The following JARID2 variants were observed in gnomAD, a reference collection of about 807,000 sequenced individuals.
The protein encoded by JARID2 is jumonji and AT-rich interaction domain containing 2.
In JARID2, 21 loss-of-function variants were observed where a neutral mutation model predicts 125.6. The ratio of observed to expected loss-of-function variants is 0.17; its 90% confidence interval spans 0.12 to 0.24. The LOEUF (loss-of-function observed/expected upper bound fraction) is 0.24. JARID2 is among the 10% of genes least tolerant of loss of function. JARID2 has a pLI of 1.00. For synonymous variants in JARID2, 736 were observed against 661.6 expected, an observed-to-expected ratio of 1.11 and a Z score of -1.73; for missense variants, 1,303 against 1,639.6, an observed-to-expected ratio of 0.79 and a Z score of 3.55.
At position 15,496,333 on chromosome 6, in the gene JARID2, G is replaced by A. The variant is rs961851776; in HGVS notation, c.1108G>A (p.Ala370Thr). 9.9e-6 allele frequency: 16 copies of A among 1,614,048 alleles called. No individual in the cohort carries two copies. Among genetic ancestry groups the A allele is most frequent in the African/African-American group, 5.3e-5 (4 of 74,922 alleles). Residue 370 changes from alanine to threonine, a missense_variant, in exon 7 of 18, where the codon GCT (alanine) becomes ACT (threonine). Transcript: ENST00000341776. The stretch of plus-strand genomic sequence containing the variant: ...ACCCAATCACCACAAGCCCAGTTCC[G>A]CTGTCAACCACACAATCTCAGGGAA... ...TKPNHHKPSSAVNHTISGKTE... is the reference protein window; with the variant it reads ...TKPNHHKPSSTVNHTISGKTE...
At chr6:15,360,144 ATATTT>A (rs1215987123) in intron 1 of JARID2, among the ~76,000 whole-genome samples, 4 of 151,802 alleles carry the variant, frequency 2.6e-5, no homozygotes, top group African/African-American at 7.3e-5. Flanking sequence ...GTCATTCTTT[ATATTT>A]TATTTATTTC....
chr6:15,471,475 T>C (rs1561886317), intron 5 of JARID2, among the ~76,000 whole-genome samples: 2 of 152,208 alleles, frequency 1.3e-5, no homozygotes, highest in Non-Finnish European at 2.9e-5. Flanking sequence ...GATAGAAATC[T>C]GTTTCATCAG....
rs754960468 is a variant in JARID2, at chr6:15,512,222, G to C, written c.2967G>C (p.Val989=). 5.6e-6 allele frequency: 9 copies of C among 1,614,094 alleles called. No homozygotes were observed. In the South Asian group the frequency reaches 8.8e-5, roughly 16 times the overall value. The change falls in exon 14 of 18, where the codon GTG becomes GTC. Residue 989 remains valine, a synonymous_variant. Coordinates refer to ENST00000341776, the MANE Select transcript of JARID2 (RefSeq NM_004973.4). ...TGTCTCCCCAGATCTCCCCGGAGGTGCTGTGCAAAGAGGGGATCAAGGTGC... is the reference window on the plus strand; with the variant it reads ...TGTCTCCCCAGATCTCCCCGGAGGTCCTGTGCAAAGAGGGGATCAAGGTGC... ...LESNVMISPE[V]LCKEGIKVHR... is the part of the protein sequence containing the mutation.
chr6:15,473,608 A>G (rs941612941), intron 5 of JARID2, among the ~76,000 whole-genome samples: 1 of 145,872 alleles, frequency 6.9e-6, no homozygotes, highest in Admixed American at 7.3e-5. Flanking sequence ...TTGGGGCTCC[A>G]TTAAGACATT....
chr6:15,334,971 A>G (rs958669679), intron 1 of JARID2, among the ~76,000 whole-genome samples: 4 of 152,186 alleles, frequency 2.6e-5, no homozygotes, highest in African/African-American at 9.7e-5. Context: ...CAGATTATTA[A>G]ACACTCACCA....
At chr6:15,408,292 A>T (rs1031141681) in intron 2 of JARID2, among the ~76,000 whole-genome samples, 2 of 152,208 alleles carry the variant, frequency 1.3e-5, no homozygotes, top group East Asian at 3.8e-4. Context: ...AAGACGATAC[A>T]TATTTACGAT....
chr6:15,317,530 T>G (rs1233795986), intron 1 of JARID2, among the ~76,000 whole-genome samples: 5 of 152,146 alleles, frequency 3.3e-5, no homozygotes, highest in Admixed American at 3.3e-4. Context: ...TCTTGCCTCT[T>G]GAACTGAAAG....
At chr6:15,515,450 C>T (rs1771499736) in intron 16 of JARID2, among the ~76,000 whole-genome samples, 1 of 152,136 alleles carries the variant, frequency 6.6e-6, no homozygotes, top group South Asian at 2.1e-4. Flanking sequence ...TCAGAAACTT[C>T]AGAGTTGTCA....
intron 1 of JARID2, among the ~76,000 whole-genome samples, chr6:15,367,046 G>C (rs563366173): frequency 1.3e-5 from 2 of 152,256 alleles, no homozygotes; most frequent in South Asian, 4.1e-4. Context: ...GCCTGGTAGA[G>C]TTGGTTGACC....
intron 2 of JARID2, among the ~76,000 whole-genome samples, chr6:15,380,844 A>G (rs1469735651): frequency 2.0e-5 from 3 of 152,140 alleles, no homozygotes; most frequent in Non-Finnish European, 4.4e-5. Flanking sequence ...AATCAAAATA[A>G]AAAAATGTCA....
intron 5 of JARID2, among the ~76,000 whole-genome samples, chr6:15,473,627 T>G (rs975615287): frequency 1.3e-5 from 2 of 151,624 alleles, no homozygotes; most frequent in Non-Finnish European, 2.9e-5. Context: ...TTTTGTAGTT[T>G]TTGTGTATAT....
chr6:15,259,883 T>C (rs868490096), intron 1 of JARID2, among the ~76,000 whole-genome samples: 3 of 152,206 alleles, frequency 2.0e-5, no homozygotes, highest in Non-Finnish European at 2.9e-5. Flanking sequence ...CTGACTCAAG[T>C]TCACTTTCCA....
At chr6:15,347,706 C>A (rs1763288543) in intron 1 of JARID2, among the ~76,000 whole-genome samples, 1 of 152,106 alleles carries the variant, frequency 6.6e-6, no homozygotes, top group African/African-American at 2.4e-5. Flanking sequence ...AAATCCTTTA[C>A]TGGACAAGGA....
In JARID2 at chr6:15,246,395, G is replaced by A; in HGVS notation, c.-145G>A. ...TTTATTTCAAGGCGAATCTGGCTTT[G>A]GGGGAAGAGGAAGAAAAGTCGGATT... On this transcript the variant is annotated 5_prime_UTR_variant, in exon 1 of 18. Transcript: ENST00000341776. 1.6e-6 allele frequency: 1 copy of A among 630,996 alleles called. No homozygotes were observed. The highest frequency in any genetic ancestry group is 2.8e-6 in the Non-Finnish European group (1 of 358,862). 39.1% of individuals were successfully genotyped at this position (630,996 alleles called of 1,614,324 possible).
chr6:15,437,720 C>T (rs895122620), intron 3 of JARID2, among the ~76,000 whole-genome samples: 3 of 151,922 alleles, frequency 2.0e-5, no homozygotes, highest in African/African-American at 4.8e-5. Flanking sequence ...CCTAGAATCG[C>T]TTGAACCCGG....
chr6:15,372,816 C>G (rs1764222817), intron 1 of JARID2, among the ~76,000 whole-genome samples: 1 of 152,002 alleles, frequency 6.6e-6, no homozygotes, highest in South Asian at 2.1e-4. Context: ...TCAAGCAATT[C>G]TCGTGCCTCA....
chr6:15,336,336 ATTG>A (rs1475098850), intron 1 of JARID2, among the ~76,000 whole-genome samples: 1 of 152,240 alleles, frequency 6.6e-6, no homozygotes, highest in Non-Finnish European at 1.5e-5. Flanking sequence ...ATTTCTGTAT[ATTG>A]TTGTTAAAAA....
chr6:15,468,782 G>T, intron 5 of JARID2, 64 bp downstream of exon 5: 1 of 1,503,186 alleles, frequency 6.7e-7, no homozygotes. Flanking sequence ...CTGGAAGAGA[G>T]CCTCTGCTGA....
chr6:15,428,484 T>C (rs1766827302), intron 3 of JARID2, among the ~76,000 whole-genome samples: 1 of 152,130 alleles, frequency 6.6e-6, no homozygotes, highest in Non-Finnish European at 1.5e-5. Context: ...AGTGTTCTCA[T>C]TGTTCAATTC....
Sources: allele counts gnomAD v4.1 joint callset (sites outside exome capture counted in the v4.1 genomes callset), GRCh38; gene constraint gnomAD v4.1.1; transcripts MANE v1.5; gene names NCBI Gene and HGNC (gene_info 2026-07-23, HGNC 2026-07-21).